Variants in TERB1 observed in about 807,000 individuals in gnomAD.
TERB1 encodes the protein telomere repeat binding bouquet formation protein 1.
Under a neutral mutation model 92.3 loss-of-function variants are expected in TERB1, and 63 were observed. The ratio of observed to expected loss-of-function variants is 0.68; its 90% CI spans 0.56 to 0.84. The LOEUF (loss-of-function observed/expected upper bound fraction) is 0.84. Among genes scored for constraint, TERB1 ranks in the 40% least tolerant of loss-of-function variants. The pLI is 0.00. For synonymous variants in TERB1, 252 were observed against 283.9 expected, an observed-to-expected ratio of 0.89 and a Z score of 1.13; for missense variants, 709 against 843.7, an observed-to-expected ratio of 0.84 and a Z score of 1.98.
chr16:66,774,871 T>TA (rs948070273), intron 12 of TERB1, among the ~76,000 whole-genome samples: 3 of 151,622 alleles, frequency 2.0e-5, no homozygotes, highest in South Asian at 2.1e-4. Context: ...TATATATATA[T>TA]TTTTTTATAG....
intron 4 of TERB1, 55 bp from the exon 5 acceptor site, chr16:66,790,778 A>G (rs1468840803): frequency 3.9e-6 from 6 of 1,522,946 alleles, no homozygotes; most frequent in Non-Finnish European, 5.3e-6. Context: ...TTTCAGGGAT[A>G]AAATAAATCA....
Position 66,785,713 on chromosome 16 carries a change from T to G in TERB1, c.700+73A>C, listed in dbSNP as rs191575951. On this transcript the variant is annotated intron_variant, in intron 9 of 18. Transcript: ENST00000433154. ...TACAAGAATTCAATTGATTCAATAATAAATTCAATCGTTTTTATTATGCTT... is the reference window on the plus strand; with the variant it reads ...TACAAGAATTCAATTGATTCAATAAGAAATTCAATCGTTTTTATTATGCTT... 1.1e-4 allele frequency: 156 copies of G among 1,367,698 alleles called. 1 individual carries two copies. In the East Asian group the frequency reaches 2.9e-3, roughly 25 times the overall value. 84.7% of individuals were successfully genotyped at this position (1,367,698 alleles called of 1,614,324 possible).
chr16:66,770,040 TAA>T lies in TERB1; in HGVS notation c.1540_1541del (p.Leu514IlefsTer2). On this transcript the variant is annotated frameshift_variant, in exon 14 of 19. Transcript: ENST00000433154. LOFTEE classifies it high-confidence loss of function. ...GATTGCAGCTTGACTTGGCTTTATA[TAA>T]AGTCTTATTTTGCTCACTCTCCCTG... ...CYRESEQNKT[L>X]YKAKSSCNQN... 4.5e-6 allele frequency: 7 copies of T among 1,551,808 alleles called. No homozygotes were observed. Among genetic ancestry groups the T allele is most frequent in the Non-Finnish European group, 6.1e-6 (7 of 1,146,990 alleles).
intron 14 of TERB1, among the ~76,000 whole-genome samples, chr16:66,769,103 C>CAA (rs371537754): frequency 7.7e-6 from 1 of 130,136 alleles, no homozygotes; most frequent in Non-Finnish European, 1.7e-5. Flanking sequence ...GAAACTTTCT[C>CAA]AAAAAAAAAA....
In TERB1 at chr16:66,770,019, G is replaced by A. The variant is rs947087962; in HGVS notation, c.1563C>T (p.Cys521=). 3 of 1,551,508 alleles carry A rather than the reference G, an allele frequency of 1.9e-6. No homozygotes were observed. The highest frequency in any genetic ancestry group is 1.4e-5 in the African/African-American group (1 of 73,040). Residue 521 remains cysteine, a synonymous_variant, in exon 14 of 19, where the codon TGC becomes TGT. Transcript: ENST00000433154. ...NKTLYKAKSS[C]NQNLHEETTF... is the part of the protein sequence containing the mutation. ...TAGTTTCTTCATGTAAGTTTTGATTGCAGCTTGACTTGGCTTTATATAAAG... is the reference window on the plus strand; with the variant it reads ...TAGTTTCTTCATGTAAGTTTTGATTACAGCTTGACTTGGCTTTATATAAAG...
intron 9 of TERB1, among the ~76,000 whole-genome samples, 190 bp downstream of exon 9, chr16:66,785,596 C>T (rs931236812): frequency 1.3e-5 from 2 of 152,132 alleles, no homozygotes; most frequent in African/African-American, 4.8e-5. Context: ...AATGATGCTG[C>T]TACCACCATC....
Position 66,781,136 on chromosome 16 carries a change from TG to T in TERB1, c.701-2122del, listed in dbSNP as rs200760098. ...GCGTGATCGTGGCTTACTGTAAGCTTGAACTCCTGGACTCAAGTGATTCTCT... is the reference window on the plus strand; with the variant it reads ...GCGTGATCGTGGCTTACTGTAAGCTTAACTCCTGGACTCAAGTGATTCTCT... On this transcript the variant is annotated intron_variant, in intron 9 of 18. Transcript: ENST00000433154. Among the ~76,000 whole-genome samples, 493 of 151,960 alleles carry T rather than the reference TG, an allele frequency of 3.2e-3. 1 individual carries two copies. The highest frequency in any genetic ancestry group is 0.011 in the African/African-American group (437 of 41,440).
At chr16:66,783,665 C>G (rs2018674899) in intron 9 of TERB1, among the ~76,000 whole-genome samples, 1 of 152,150 alleles carries the variant, frequency 6.6e-6, no homozygotes, top group African/African-American at 2.4e-5. Context: ...GCAGAATTCG[C>G]CAATGTAACC....
intron 16 of TERB1, among the ~76,000 whole-genome samples, chr16:66,763,076 C>A (rs1173491332): frequency 2.0e-5 from 3 of 151,974 alleles, no homozygotes; most frequent in Non-Finnish European, 4.4e-5. Flanking sequence ...TTTTCCCTAT[C>A]AATTCAAAAA....
chr16:66,799,088 A>G (rs1288373500), intron 2 of TERB1, among the ~76,000 whole-genome samples: 1 of 152,272 alleles, frequency 6.6e-6, no homozygotes, highest in African/African-American at 2.4e-5. Flanking sequence ...AGATTTAAAA[A>G]GATGAACTCT....
chr16:66,783,180 G>GA (rs2018666624), intron 9 of TERB1, among the ~76,000 whole-genome samples: 1 of 152,176 alleles, frequency 6.6e-6, no homozygotes, highest in Non-Finnish European at 1.5e-5. Flanking sequence ...GTCTCAAGGG[G>GA]AAAACATTAA....
At chr16:66,770,489 C>A (rs959927896) in intron 13 of TERB1, among the ~76,000 whole-genome samples, 180 bp from the exon 14 acceptor site, 2 of 152,026 alleles carry the variant, frequency 1.3e-5, no homozygotes, top group Non-Finnish European at 2.9e-5. Context: ...AATATTGGGA[C>A]AATTGGGTAG....
At chr16:66,784,771 A>T in intron 9 of TERB1, among the ~76,000 whole-genome samples, 1 of 142,980 alleles carries the variant, frequency 7.0e-6, no homozygotes, top group African/African-American at 2.6e-5. Flanking sequence ...TTTTTTTTGA[A>T]ACGGAGTCTC....
At chr16:66,773,828 ATCCCTGATG>A (rs544744816) in intron 12 of TERB1, among the ~76,000 whole-genome samples, 2 of 152,256 alleles carry the variant, frequency 1.3e-5, no homozygotes, top group Admixed American at 6.5e-5. Context: ...TCATCACTGT[ATCCCTGATG>A]TCCCTGATGT....
chr16:66,801,660 CAAGGTGT>C (rs1355805577), upstream of TERB1: 1 of 152,228 alleles, frequency 6.6e-6, no homozygotes, highest in Non-Finnish European at 1.5e-5. Flanking sequence ...GCCGCCCCTG[CAAGGTGT>C]CTTACGCTTC....
intron 16 of TERB1, among the ~76,000 whole-genome samples, chr16:66,763,073 T>C (rs2018279179): frequency 6.6e-6 from 1 of 152,240 alleles, no homozygotes; most frequent in East Asian, 1.9e-4. Flanking sequence ...CAATTTTCCC[T>C]ATCAATTCAA....
intron 16 of TERB1, among the ~76,000 whole-genome samples, chr16:66,766,906 CA>C (rs543750927): frequency 4.0e-4 from 61 of 152,244 alleles, no homozygotes; most frequent in Non-Finnish European, 7.6e-4. Context: ...CTTGGCCTTC[CA>C]AAGTGTTGAG....
At chr16:66,785,348 T>C (rs1303215563) in intron 9 of TERB1, among the ~76,000 whole-genome samples, 1 of 152,210 alleles carries the variant, frequency 6.6e-6, no homozygotes, top group Non-Finnish European at 1.5e-5. Flanking sequence ...TGGCCTAATG[T>C]TGTATTTTCA....
chr16:66,772,892 T>C (rs1262692219), intron 12 of TERB1, 143 bp from the exon 13 acceptor site: 7 of 627,880 alleles, frequency 1.1e-5, no homozygotes, highest in Non-Finnish European at 1.9e-5. Context: ...GAAAAGTAAG[T>C]GGAAGATTAT....
Sources: allele counts gnomAD v4.1 joint callset (sites outside exome capture counted in the v4.1 genomes callset), GRCh38; gene constraint gnomAD v4.1.1; transcripts MANE v1.5; gene names NCBI Gene and HGNC (gene_info 2026-07-23, HGNC 2026-07-21).